Variants in SCHIP1 observed in about 807,000 individuals in gnomAD.
SCHIP1 encodes the protein schwannomin interacting protein 1.
Under a neutral mutation model 29.7 loss-of-function variants are expected in SCHIP1, and 8 were observed. That is an observed-to-expected ratio of 0.27 (90% CI 0.16 to 0.49). SCHIP1 has a LOEUF of 0.49. Ranked by LOEUF, SCHIP1 falls within the 20% of genes least tolerant of loss-of-function variation. SCHIP1 has a pLI of 0.99. For synonymous variants in SCHIP1, 76 were observed against 94.9 expected (o/e 0.80, Z 1.16); for missense variants, 193 against 294.6 (o/e 0.66, Z 2.52).
the SCHIP1 span, among the ~76,000 whole-genome samples, chr3:159,600,519 T>G: frequency 2.0e-5 from 3 of 152,226 alleles, no homozygotes; most frequent in Non-Finnish European, 4.4e-5. Context: ...CAATGAATTC[T>G]TCAGTTCTAA....
the SCHIP1 span, among the ~76,000 whole-genome samples, chr3:159,331,700 C>A: frequency 6.6e-6 from 1 of 152,182 alleles, no homozygotes; most frequent in Non-Finnish European, 1.5e-5. Context: ...TCTCACCACA[C>A]TGGAAATCCA....
At chr3:159,326,407 C>T in the SCHIP1 span, among the ~76,000 whole-genome samples, 24 of 152,244 alleles carry the variant, frequency 1.6e-4, no homozygotes, top group African/African-American at 5.1e-4. Context: ...ACTCATTTCT[C>T]TTATACATAA....
the SCHIP1 span, among the ~76,000 whole-genome samples, chr3:159,434,502 T>C: frequency 6.6e-6 from 1 of 152,048 alleles, no homozygotes; most frequent in African/African-American, 2.4e-5. Flanking sequence ...GATAGGTTAG[T>C]GTATCAGCAA....
At chr3:159,455,006 A>G in the SCHIP1 span, among the ~76,000 whole-genome samples, 1 of 152,248 alleles carries the variant, frequency 6.6e-6, no homozygotes, top group African/African-American at 2.4e-5. Flanking sequence ...ACTGTAGAGC[A>G]AGATACTTTG....
chr3:159,296,712 T>G, the SCHIP1 span, among the ~76,000 whole-genome samples: 2,705 of 151,834 alleles, frequency 0.018, 80 homozygotes, highest in African/African-American at 0.063. Flanking sequence ...GGTGGAGGTT[T>G]CAGTGAGCCG....
chr3:159,878,824 A>G, intron 2 of SCHIP1, among the ~76,000 whole-genome samples: 1 of 150,112 alleles, frequency 6.7e-6, no homozygotes, highest in East Asian at 1.9e-4. Context: ...TAAAAAATAA[A>G]AAATAAATAA....
the SCHIP1 span, among the ~76,000 whole-genome samples, chr3:159,551,980 T>C: frequency 6.6e-6 from 1 of 152,010 alleles, no homozygotes; most frequent in African/African-American, 2.4e-5. Flanking sequence ...TTGCACTTGC[T>C]TGTGGTATGG....
At chr3:159,397,405 TA>T in the SCHIP1 span, among the ~76,000 whole-genome samples, 3 of 152,232 alleles carry the variant, frequency 2.0e-5, no homozygotes, top group Non-Finnish European at 4.4e-5. Context: ...CTCTGCTTTT[TA>T]GAGTTTCCAG....
chr3:159,786,569 C>T, the SCHIP1 span, among the ~76,000 whole-genome samples: 6 of 152,186 alleles, frequency 3.9e-5, no homozygotes, highest in South Asian at 6.2e-4. Flanking sequence ...AAATGGATTT[C>T]GTGCTGCTGA....
chr3:159,391,371 C>A, the SCHIP1 span, among the ~76,000 whole-genome samples: 2 of 152,056 alleles, frequency 1.3e-5, no homozygotes, highest in African/African-American at 4.8e-5. Context: ...ATACTAAAGA[C>A]ATTTTGAGTT....
chr3:159,336,787 G>T, the SCHIP1 span, among the ~76,000 whole-genome samples: 1 of 152,120 alleles, frequency 6.6e-6, no homozygotes, highest in Non-Finnish European at 1.5e-5. Flanking sequence ...GATGCCTCCA[G>T]CTTTGTTCTT....
chr3:159,784,190 G>A, the SCHIP1 span, among the ~76,000 whole-genome samples: 1 of 152,238 alleles, frequency 6.6e-6, no homozygotes, highest in African/African-American at 2.4e-5. Context: ...ATGAAAAGCT[G>A]TTGAATGTCA....
At chr3:159,284,748 C>T in the SCHIP1 span, among the ~76,000 whole-genome samples, 4 of 152,102 alleles carry the variant, frequency 2.6e-5, no homozygotes, top group African/African-American at 7.2e-5. Context: ...CTGCTTGCCT[C>T]GGCCTCCCAA....
At chr3:159,472,748 C>T in the SCHIP1 span, among the ~76,000 whole-genome samples, 33 of 152,270 alleles carry the variant, frequency 2.2e-4, no homozygotes, top group African/African-American at 7.7e-4. Context: ...TGCCCAGAGG[C>T]TGTAAAACTT....
chr3:159,432,285 GAT>G, the SCHIP1 span, among the ~76,000 whole-genome samples: 281 of 114,240 alleles, frequency 2.5e-3, no homozygotes, highest in Non-Finnish European at 3.9e-3. Context: ...CAGAGTAGGT[GAT>G]GTGTGTGTGT....
chr3:159,401,127 C>G, the SCHIP1 span: 1 of 951,128 alleles, frequency 1.1e-6, no homozygotes, highest in African/African-American at 1.8e-5. Flanking sequence ...CAACAGTGAG[C>G]AACTTGAAGG....
At chr3:159,570,072 A>T in the SCHIP1 span, among the ~76,000 whole-genome samples, 9 of 152,110 alleles carry the variant, frequency 5.9e-5, no homozygotes, top group Non-Finnish European at 1.3e-4. Context: ...GATTGCAAAA[A>T]TTTTCTCCCA....
At chr3:159,631,183 A>C in the SCHIP1 span, among the ~76,000 whole-genome samples, 1 of 152,054 alleles carries the variant, frequency 6.6e-6, no homozygotes, top group Non-Finnish European at 1.5e-5. Flanking sequence ...AAAAACCCAG[A>C]AAATAACAAG....
chr3:159,593,501 T>C, the SCHIP1 span, among the ~76,000 whole-genome samples: 1 of 152,148 alleles, frequency 6.6e-6, no homozygotes, highest in Non-Finnish European at 1.5e-5. Context: ...CATGTGAACC[T>C]AAGAAAGTAG....
Sources: allele counts gnomAD v4.1 joint callset (sites outside exome capture counted in the v4.1 genomes callset), GRCh38; gene constraint gnomAD v4.1.1; transcripts MANE v1.5; gene names NCBI Gene and HGNC (gene_info 2026-07-23, HGNC 2026-07-21).